The following GALNT13 variants were observed in gnomAD, a reference collection of about 807,000 sequenced individuals.
GALNT13 encodes polypeptide N-acetylgalactosaminyltransferase 13.
A neutral mutation model predicts 64.2 loss-of-function variants in GALNT13; 28 were observed. The ratio of observed to expected loss-of-function variants is 0.44; its 90% CI spans 0.32 to 0.60. The LOEUF (loss-of-function observed/expected upper bound fraction) is 0.60, where lower values mean the gene tolerates loss of function less well. Among genes scored for constraint, GALNT13 ranks in the 20% least tolerant of loss-of-function variants. The probability of loss-of-function intolerance (pLI) is 0.05; values close to 1 mark genes in which losing one functional copy is unlikely to be tolerated. For missense variants in GALNT13, 577 were observed against 669.8 expected, an observed-to-expected ratio of 0.86 and a Z score of 1.53; for synonymous variants, 214 against 224.6, an observed-to-expected ratio of 0.95 and a Z score of 0.42.
At chr2:153,889,603 T>C (rs896862110) in intron 1 of GALNT13, among the ~76,000 whole-genome samples, 1 of 152,088 alleles carries the variant, frequency 6.6e-6, no homozygotes, top group Non-Finnish European at 1.5e-5. Context: ...TAAATACCGA[T>C]GCACTTTTAT....
the GALNT13 span, among the ~76,000 whole-genome samples, chr2:153,801,496 T>A: frequency 6.6e-6 from 1 of 152,146 alleles, no homozygotes; most frequent in Non-Finnish European, 1.5e-5. Flanking sequence ...AAGAGTGAGA[T>A]GAATGAACAG....
chr2:154,400,461 C>T (rs1699251583), intron 10 of GALNT13, among the ~76,000 whole-genome samples: 1 of 152,012 alleles, frequency 6.6e-6, no homozygotes, highest in South Asian at 2.1e-4. Flanking sequence ...GTTTCCTTGT[C>T]AATTTCCTTT....
At chr2:153,838,313 A>C in the GALNT13 span, among the ~76,000 whole-genome samples, 2 of 151,982 alleles carry the variant, frequency 1.3e-5, no homozygotes, top group African/African-American at 4.8e-5. Flanking sequence ...GATATCCAAA[A>C]AAGCATTGTC....
chr2:154,262,200 A>G (rs1474335090), intron 8 of GALNT13, among the ~76,000 whole-genome samples: 2 of 152,156 alleles, frequency 1.3e-5, no homozygotes, highest in Non-Finnish European at 2.9e-5. Context: ...AGTAGCTAGT[A>G]AGTGGAATAG....
intron 8 of GALNT13, among the ~76,000 whole-genome samples, chr2:154,299,824 A>C (rs554255362): frequency 6.6e-6 from 1 of 151,916 alleles, no homozygotes; most frequent in South Asian, 2.1e-4. Context: ...GAAGGTTTCT[A>C]TTCTTCTCGT....
intron 3 of GALNT13, among the ~76,000 whole-genome samples, chr2:153,981,867 T>C (rs1694488854): frequency 6.6e-6 from 1 of 152,110 alleles, no homozygotes; most frequent in Admixed American, 6.6e-5. Context: ...TAGCCTGATA[T>C]GTATATTTTT....
chr2:153,567,619 C>T, the GALNT13 span, among the ~76,000 whole-genome samples: 2 of 152,172 alleles, frequency 1.3e-5, no homozygotes, highest in African/African-American at 4.8e-5. Context: ...GAAGGGAACA[C>T]AGATATCTGT....
chr2:154,004,116 T>A (rs67082641), intron 3 of GALNT13, among the ~76,000 whole-genome samples: 7,960 of 152,278 alleles, frequency 0.052, 287 homozygotes, highest in South Asian at 0.11. Context: ...ATAGACTAAT[T>A]CTAATACATT....
chr2:153,227,571 T>A, the GALNT13 span, among the ~76,000 whole-genome samples: 33 of 152,292 alleles, frequency 2.2e-4, no homozygotes, highest in South Asian at 1.5e-3. Context: ...GCTATTTTTT[T>A]AAAAATTTTC....
intron 4 of GALNT13, among the ~76,000 whole-genome samples, chr2:154,162,636 T>C (rs1426845167): frequency 6.6e-6 from 1 of 152,230 alleles, no homozygotes; most frequent in Non-Finnish European, 1.5e-5. Context: ...TTTGTTTTTA[T>C]ATATGCATTA....
At chr2:154,109,897 A>G (rs896759190) in intron 3 of GALNT13, among the ~76,000 whole-genome samples, 9 of 151,878 alleles carry the variant, frequency 5.9e-5, no homozygotes, top group Admixed American at 3.3e-4. Context: ...TTGCATCTGT[A>G]TTCTTCAAGT....
chr2:153,809,923 T>A, the GALNT13 span, among the ~76,000 whole-genome samples: 2 of 152,140 alleles, frequency 1.3e-5, no homozygotes, highest in African/African-American at 4.8e-5. Flanking sequence ...TTTGTTGCCA[T>A]TAACATATAA....
chr2:153,478,696 C>G, the GALNT13 span: 3 of 761,486 alleles, frequency 3.9e-6, no homozygotes, highest in African/African-American at 5.4e-5. Context: ...GCTCTGCTTT[C>G]GAAAGTCCCT....
the GALNT13 span, among the ~76,000 whole-genome samples, chr2:153,607,514 A>T: frequency 2.8e-3 from 428 of 152,274 alleles, 8 homozygotes; most frequent in Admixed American, 0.023. Flanking sequence ...GAAGTATTCA[A>T]TTAAGAATCC....
At chr2:154,249,483 A>T (rs1268003435) in intron 7 of GALNT13, among the ~76,000 whole-genome samples, 9 of 152,192 alleles carry the variant, frequency 5.9e-5, no homozygotes, top group Non-Finnish European at 1.3e-4. Flanking sequence ...TCTCTTAATT[A>T]TGCCCTGTAA....
chr2:153,583,110 A>C, the GALNT13 span, among the ~76,000 whole-genome samples: 12 of 152,224 alleles, frequency 7.9e-5, no homozygotes, highest in Non-Finnish European at 1.5e-5. Flanking sequence ...GGAGGTGTGC[A>C]TGATAATCCA....
chr2:153,427,798 T>C, the GALNT13 span, among the ~76,000 whole-genome samples: 1 of 152,192 alleles, frequency 6.6e-6, no homozygotes, highest in East Asian at 1.9e-4. Flanking sequence ...TTTTCTCTAA[T>C]ATGTGAGGTT....
the GALNT13 span, among the ~76,000 whole-genome samples, chr2:153,375,035 G>A: frequency 6.6e-6 from 1 of 152,074 alleles, no homozygotes; most frequent in Non-Finnish European, 1.5e-5. Context: ...TAGTGGATTT[G>A]ATATGTAGAA....
intron 2 of GALNT13, among the ~76,000 whole-genome samples, chr2:153,906,720 C>T (rs940600077): frequency 6.7e-6 from 1 of 150,336 alleles, no homozygotes; most frequent in Non-Finnish European, 1.5e-5. Flanking sequence ...GTGCATGTGT[C>T]TTTATAGCAG....
Sources: gnomAD v4.1 joint callset for allele counts (sites outside exome capture counted in the v4.1 genomes callset) on GRCh38, gnomAD v4.1.1 for gene constraint, MANE v1.5 for transcripts, NCBI Gene and HGNC (gene_info 2026-07-23, HGNC 2026-07-21) for gene names.